TGFB1: variants seen among roughly 807,000 people sequenced by gnomAD.
TGFB1 encodes the protein transforming growth factor beta-1 proprotein.
In TGFB1, 19 loss-of-function variants were observed where a neutral mutation model predicts 43.8. That is an observed-to-expected ratio of 0.43 (90% confidence interval 0.30 to 0.64). The LOEUF is 0.64. Ranked by LOEUF, TGFB1 falls within the 30% of genes least tolerant of loss-of-function variation. The pLI is 0.11. For synonymous variants in TGFB1, 221 were observed against 236.3 expected, an observed-to-expected ratio of 0.94 and a Z score of 0.60; for missense variants, 445 against 529.8, an observed-to-expected ratio of 0.84 and a Z score of 1.57.
chr19:41,341,728 C>T (rs1222762959), intron 5 of TGFB1, among the ~76,000 whole-genome samples, 155 bp downstream of exon 5: 3 of 152,084 alleles, frequency 2.0e-5, no homozygotes, highest in Non-Finnish European at 2.9e-5. Context: ...CTGGTTCTTA[C>T]ACCCAGACCT....
At chr19:41,342,115 A>AAC in intron 4 of TGFB1, 55 bp downstream of exon 4, 1 of 1,612,362 alleles carries the variant, frequency 6.2e-7, no homozygotes, top group Non-Finnish European at 8.5e-7. Context: ...GGCAGATGGG[A>AAC]ACACACACAC....
At position 41,352,843 on chromosome 19, in the gene TGFB1, C is replaced by A. The variant is rs2038226996; in HGVS notation, c.202G>T (p.Val68Leu). 6.4e-7 allele frequency: 1 copy of A among 1,571,018 alleles called. No individual in the cohort carries two copies. The highest frequency in any genetic ancestry group is 8.6e-7 in the Non-Finnish European group (1 of 1,160,534). The stretch of plus-strand genomic sequence containing the variant: ...GCCTCGGGCAGCGGGCCGGGCGGCA[C>A]CTCCCCCTGGCTCGGGGGGCTGGCG... ...RLASPPSQGE[V>L]PPGPLPEAVL... The change falls in exon 1 of 7, where the codon GTG becomes TTG. Residue 68 changes from valine to leucine, a missense_variant. Around this residue, in one of 3 missense-constraint regions of TGFB1, gnomAD observed 366 missense variants for 428.8 expected, o/e 0.85. Transcript: ENST00000221930.
Position 41,348,369 on chromosome 19 carries a change from C to G in TGFB1, c.442G>C (p.Val148Leu). 2 of 1,613,636 alleles carry G rather than the reference C, an allele frequency of 1.2e-6. No homozygotes were observed. Among genetic ancestry groups the G allele is most frequent in the East Asian group, 2.2e-5 (1 of 44,838 alleles). Residue 148 changes from valine (V) to leucine (L), a missense_variant, in exon 2 of 7, where the codon GTG (valine) becomes CTG (leucine). Val to Leu is a conservative substitution (Grantham distance 32). Coordinates refer to ENST00000221930, the MANE Select transcript of TGFB1 (RefSeq NM_000660.7). ...SELREAVPEP[V>L]LLSRAELRLL... ...CGCAGCTCTGCCCGGGAGAGCAACACGGGTTCAGGTACCGCTTCTCGGAGC... is the reference window on the plus strand; with the variant it reads ...CGCAGCTCTGCCCGGGAGAGCAACAGGGGTTCAGGTACCGCTTCTCGGAGC...
At chr19:41,346,718 G>C (rs2123106229) in intron 2 of TGFB1, among the ~76,000 whole-genome samples, 1 of 151,704 alleles carries the variant, frequency 6.6e-6, no homozygotes, top group African/African-American at 2.4e-5. Context: ...TGAGAATGAG[G>C]ATTTCTTTTT....
intron 5 of TGFB1, among the ~76,000 whole-genome samples, chr19:41,340,121 A>G (rs1198526716): frequency 2.0e-5 from 3 of 151,862 alleles, no homozygotes; most frequent in African/African-American, 7.3e-5. Context: ...AGCATCTTCA[A>G]CTCTCTAGGA....
intron 1 of TGFB1, among the ~76,000 whole-genome samples, chr19:41,349,312 T>C (rs182183739): frequency 1.3e-5 from 2 of 152,294 alleles, no homozygotes; most frequent in Non-Finnish European, 2.9e-5. Flanking sequence ...TGTGTAACCT[T>C]GGGCAAGTGA....
At position 41,330,984 on chromosome 19, in the gene TGFB1, G is replaced by A; in HGVS notation, c.*68C>T. 7.2e-7 allele frequency: 1 copy of A among 1,389,520 alleles called. No individual in the cohort carries two copies. The highest frequency in any genetic ancestry group is 9.4e-7 in the Non-Finnish European group (1 of 1,061,638). 86.1% of individuals were successfully genotyped at this position (1,389,520 alleles called of 1,614,324 possible). A position where few individuals can be genotyped will look rare whatever the true frequency, so the allele number is the denominator to read the frequency against. ...GGTGTCCTTAAATACAGCCCCCATGGGCAAGGCAGCGGGGGCGGGGCGGGG... is the reference window on the plus strand; with the variant it reads ...GGTGTCCTTAAATACAGCCCCCATGAGCAAGGCAGCGGGGGCGGGGCGGGG... On this transcript the variant is annotated 3_prime_UTR_variant, in exon 7 of 7. Coordinates refer to ENST00000221930, the MANE Select transcript of TGFB1 (RefSeq NM_000660.7).
chr19:41,347,770 G>T (rs2038131842), intron 2 of TGFB1, among the ~76,000 whole-genome samples: 1 of 142,160 alleles, frequency 7.0e-6, no homozygotes, highest in Non-Finnish European at 1.5e-5. Context: ...GGAGGTTGCA[G>T]TGAGCCGAGA....
chr19:41,342,067 C>T (rs2038062724), intron 4 of TGFB1, 37 bp from the exon 5 acceptor site: 1 of 1,613,766 alleles, frequency 6.2e-7, no homozygotes, highest in Non-Finnish European at 8.5e-7. Flanking sequence ...AGGGGACATA[C>T]ACACACACTC....
chr19:41,332,252 T>C lies in TGFB1; in HGVS notation c.890A>G (p.Gln297Arg). The change falls in exon 6 of 7, where the codon CAG becomes CGG. Residue 297 changes from glutamine to arginine, a missense_variant. Gln to Arg is a conservative substitution (Grantham distance 43, BLOSUM62 1). This residue lies in a region of TGFB1 where 366 missense variants were observed against 428.8 expected (regional missense o/e 0.85). Transcript: ENST00000221930. ...SSTEKNCCVRQLYIDFRKDLG... is the reference protein window; with the variant it reads ...SSTEKNCCVRRLYIDFRKDLG... ...GTCCTTGCGGAAGTCAATGTACAGC[T>C]GCCGCACGCAGCAGTTCTTCTCCGT... 1 of 1,614,136 alleles carries C rather than the reference T, an allele frequency of 6.2e-7. No individual in the cohort carries two copies. The highest frequency in any genetic ancestry group is 8.5e-7 in the Non-Finnish European group (1 of 1,179,998).
chr19:41,335,690 C>T (rs1316142151), intron 5 of TGFB1, among the ~76,000 whole-genome samples: 1 of 152,188 alleles, frequency 6.6e-6, no homozygotes, highest in East Asian at 1.9e-4. Context: ...CTCTTCCGTC[C>T]AGTCTCTCAA....
rs1292261729 is a variant in TGFB1, at chr19:41,330,995, GGGGGC to G, written c.*52_*56del. On this transcript the variant is annotated 3_prime_UTR_variant, in exon 7 of 7. Transcript: ENST00000221930. ...ATACAGCCCCCATGGGCAAGGCAGC[GGGGGC>G]GGGGCGGGGTGGGGCCGGGCCTGCC... 4 of 1,431,838 alleles carry G rather than the reference GGGGGC, an allele frequency of 2.8e-6. No individual in the cohort carries two copies. The highest frequency in any genetic ancestry group is 2.8e-5 in the South Asian group (2 of 71,978). 88.7% of individuals were successfully genotyped at this position (1,431,838 alleles called of 1,614,324 possible).
chr19:41,351,970 G>A (rs2038204385), intron 1 of TGFB1, among the ~76,000 whole-genome samples: 1 of 152,064 alleles, frequency 6.6e-6, no homozygotes, highest in Admixed American at 6.5e-5. Context: ...GTCCCTGTGT[G>A]AAACACCGAG....
At chr19:41,342,910 G>A (rs1018074113) in intron 3 of TGFB1, among the ~76,000 whole-genome samples, 6 of 151,306 alleles carry the variant, frequency 4.0e-5, no homozygotes, top group Non-Finnish European at 8.8e-5. Context: ...GCCTCCCGAA[G>A]TGCTGGGATT....
At chr19:41,336,492 C>T (rs1400934651) in intron 5 of TGFB1, among the ~76,000 whole-genome samples, 1 of 151,706 alleles carries the variant, frequency 6.6e-6, no homozygotes, top group Non-Finnish European at 1.5e-5. Context: ...CTCAAGCCAA[C>T]CTCCCACCTC....
At position 41,342,037 on chromosome 19, in the gene TGFB1, T is replaced by C. The variant is rs72480428; in HGVS notation, c.713-7A>G. Reference sequence around the variant, plus strand: ...CGGCGGCCGGTAGTGAACCCTGCTTTGGTGTGGGAGTCAGGGGATAGGGGA... The same window carrying C: ...CGGCGGCCGGTAGTGAACCCTGCTTCGGTGTGGGAGTCAGGGGATAGGGGA... On this transcript the variant is annotated splice_polypyrimidine_tract_variant and splice_region_variant and intron_variant, in intron 4 of 6. Coordinates refer to ENST00000221930, the MANE Select transcript of TGFB1 (RefSeq NM_000660.7). 1.2e-6 allele frequency: 2 copies of C among 1,614,134 alleles called. No individual in the cohort carries two copies. Among genetic ancestry groups the C allele is most frequent in the Non-Finnish European group, 1.7e-6 (2 of 1,180,018 alleles).
chr19:41,338,749 G>C (rs1021143959), intron 5 of TGFB1, among the ~76,000 whole-genome samples: 6 of 150,462 alleles, frequency 4.0e-5, no homozygotes, highest in Non-Finnish European at 2.9e-5. Context: ...TGAAGCAAGA[G>C]AATCACTTGA....
At chr19:41,340,275 T>A (rs1246149102) in intron 5 of TGFB1, among the ~76,000 whole-genome samples, 9 of 119,762 alleles carry the variant, frequency 7.5e-5, no homozygotes, top group African/African-American at 2.6e-4. Flanking sequence ...TTTTTTTTTT[T>A]AGATGGAGTC....
chr19:41,344,502 G>A (rs1192240534), intron 3 of TGFB1, among the ~76,000 whole-genome samples: 3 of 152,170 alleles, frequency 2.0e-5, no homozygotes, highest in South Asian at 2.1e-4. Context: ...CTCTGTGAGG[G>A]CAAGGATGGG....
Sources: gnomAD v4.1 joint callset for allele counts (sites outside exome capture counted in the v4.1 genomes callset) on GRCh38, gnomAD v4.1.1 for gene constraint, gnomAD v4.1.1 regional missense constraint, MANE v1.5 for transcripts, NCBI Gene and HGNC (gene_info 2026-07-23, HGNC 2026-07-21) for gene names.